Variants in DNMT1 observed in about 807,000 individuals in gnomAD.
The protein encoded by DNMT1 is DNA methyltransferase 1.
A neutral mutation model predicts 205.3 loss-of-function variants in DNMT1; 24 were observed. The ratio of observed to expected loss-of-function variants is 0.12; its 90% CI spans 0.08 to 0.16. DNMT1 has a LOEUF of 0.16. Ranked by LOEUF, DNMT1 falls within the 10% of genes least tolerant of loss-of-function variation. The pLI is 1.00. For missense variants in DNMT1, 1,293 were observed against 2,177.7 expected (o/e 0.59, Z 8.09); for synonymous variants, 817 against 839.8 (o/e 0.97, Z 0.47).
chr19:10,157,202 C>T (rs972288806), intron 17 of DNMT1, among the ~76,000 whole-genome samples: 3 of 152,120 alleles, frequency 2.0e-5, no homozygotes, highest in Non-Finnish European at 4.4e-5. Context: ...TCCTCCCAAC[C>T]GGCCCTCAGC....
rs1223065154 is a variant in DNMT1, at chr19:10,149,857, C to A, written c.2377G>T (p.Ala793Ser). The change falls in exon 25 of 41, where the codon GCA becomes TCA. Residue 793 changes from alanine (A) to serine (S), a missense_variant. Around this residue, in one of 13 missense-constraint regions of DNMT1, gnomAD observed 197 missense variants for 353.6 expected, o/e 0.56. Transcript: ENST00000359526. ...AGCAAAAAGAAAGATGCAAACCTTG[C>A]TAGATACAGCGGTTTTGAGGAATCA... ...PDDSSKPLYLARVTALWEDSS... is the reference protein window; with the variant it reads ...PDDSSKPLYLSRVTALWEDSS... The A allele has an allele frequency of 6.2e-6, 10 of 1,614,080 alleles. No homozygotes were observed. The highest frequency in any genetic ancestry group is 1.6e-4 in the Middle Eastern group (1 of 6,084).
At position 10,159,040 on chromosome 19, in the gene DNMT1, G is replaced by T. The variant is rs1474756366; in HGVS notation, c.1280+618C>A. On this transcript the variant is annotated intron_variant, in intron 17 of 40. Coordinates refer to ENST00000359526, the MANE Select transcript of DNMT1 (RefSeq NM_001130823.3). This position sits in a 1 kb window ranked among gnomAD's most constrained non-coding sequence, Gnocchi z 5.0. ...ATCACCCATTTCTGGCTCCGTGAAG[G>T]CAGGACCTGAGCAGCTACATCCACG... 1.3e-5 allele frequency among the ~76,000 whole-genome samples: 2 copies of T among 152,198 alleles called. No individual in the cohort carries two copies. Among genetic ancestry groups the T allele is most frequent in the Non-Finnish European group, 1.5e-5 (1 of 68,038 alleles).
In DNMT1 at chr19:10,154,096, G is replaced by T. The variant is rs2038404482; in HGVS notation, c.2019+197C>A. Among the ~76,000 whole-genome samples the T allele has an allele frequency of 6.6e-6, 1 of 152,192 alleles. No homozygotes were observed. The highest frequency in any genetic ancestry group is 2.4e-5 in the African/African-American group (1 of 41,448). On this transcript the variant is annotated intron_variant, in intron 22 of 40. Transcript: ENST00000359526. This position sits in a 1 kb window ranked among gnomAD's most constrained non-coding sequence, Gnocchi z 6.3. The stretch of plus-strand genomic sequence containing the variant: ...CATTATCAGCAAAGCACCCAAGCAT[G>T]CCTCTGTGGACATCTGTCCTATTGA...
chr19:10,146,913 A>G lies in DNMT1; in HGVS notation c.2721-389T>C, dbSNP rs953110691. On this transcript the variant is annotated intron_variant, in intron 27 of 40. Coordinates refer to ENST00000359526, the MANE Select transcript of DNMT1 (RefSeq NM_001130823.3). This position sits in a 1 kb window ranked among gnomAD's most constrained non-coding sequence, Gnocchi z 4.4. The stretch of plus-strand genomic sequence containing the variant: ...CTCAACAGGTATTTGAGGAAATTCA[A>G]CATTATTCTTGACTAGTAAGCCCTT... Among the ~76,000 whole-genome samples the G allele has an allele frequency of 6.6e-6, 1 of 152,192 alleles. No homozygotes were observed. Among genetic ancestry groups the G allele is most frequent in the African/African-American group, 2.4e-5 (1 of 41,450 alleles).
chr19:10,162,551 T>G, intron 13 of DNMT1, 116 bp downstream of exon 13: 2 of 1,096,600 alleles, frequency 1.8e-6, no homozygotes, highest in South Asian at 2.9e-5. Flanking sequence ...ATTACAGGCG[T>G]GCGCCACCAC....
At chr19:10,190,538 G>C (rs1005572865) in intron 1 of DNMT1, among the ~76,000 whole-genome samples, 1 of 152,028 alleles carries the variant, frequency 6.6e-6, no homozygotes, top group Non-Finnish European at 1.5e-5. Context: ...TGAGGCAGGC[G>C]AATCACTTGA....
chr19:10,177,387 C>T lies in DNMT1; in HGVS notation c.494-20G>A, dbSNP rs1317580741. 1 of 1,568,678 alleles carries T rather than the reference C, an allele frequency of 6.4e-7. No homozygotes were observed. The highest frequency in any genetic ancestry group is 8.7e-7 in the Non-Finnish European group (1 of 1,151,372). On this transcript the variant is annotated intron_variant, in intron 5 of 40. Transcript: ENST00000359526. ...GTTCAGCTGTTTAAAGAAGAAAAAG[C>T]ATTAAAAAGAAAAAAAAAAGCCACT...
chr19:10,183,703 C>G (rs1035801926), intron 1 of DNMT1, among the ~76,000 whole-genome samples: 6 of 151,850 alleles, frequency 4.0e-5, no homozygotes, highest in Admixed American at 3.9e-4. Flanking sequence ...ATGGCGAAAC[C>G]CCATCTCTAC....
intron 1 of DNMT1, 52 bp downstream of exon 1, chr19:10,194,768 C>T: frequency 1.9e-6 from 3 of 1,558,842 alleles, no homozygotes; most frequent in Non-Finnish European, 2.6e-6. Flanking sequence ...CGACCCCCCA[C>T]CCAGCGCCCT....
At chr19:10,147,887 G>A (rs977790607) in intron 27 of DNMT1, among the ~76,000 whole-genome samples, 1 of 151,890 alleles carries the variant, frequency 6.6e-6, no homozygotes, top group African/African-American at 2.4e-5. Context: ...GCCGAAGCGG[G>A]TAGATCACCT....
intron 7 of DNMT1, among the ~76,000 whole-genome samples, 153 bp from the exon 8 acceptor site, chr19:10,174,058 G>A (rs550266720): frequency 6.6e-6 from 1 of 152,244 alleles, no homozygotes; most frequent in East Asian, 1.9e-4. Context: ...GAAGATCTGA[G>A]AAACTCTTAC....
At chr19:10,147,906 G>A (rs1366507322) in intron 27 of DNMT1, among the ~76,000 whole-genome samples, 1 of 151,622 alleles carries the variant, frequency 6.6e-6, no homozygotes, top group African/African-American at 2.4e-5. Flanking sequence ...CTGAGGTCGG[G>A]AGTTCGAGAC....
At position 10,149,597 on chromosome 19, in the gene DNMT1, G is replaced by A. The variant is rs767649417; in HGVS notation, c.2442C>T (p.Cys814=). 9 of 1,613,974 alleles carry A rather than the reference G, an allele frequency of 5.6e-6. No individual in the cohort carries two copies. Among genetic ancestry groups the A allele is most frequent in the South Asian group, 3.3e-5 (3 of 91,074 alleles). Residue 814 remains cysteine, a synonymous_variant, in exon 26 of 41, where the codon TGC becomes TGT. Coordinates refer to ENST00000359526, the MANE Select transcript of DNMT1 (RefSeq NM_001130823.3). The part of the protein sequence containing the change: ...NGQMFHAHWF[C]AGTDTVLGAT... Reference sequence around the variant, plus strand: ...CCCCGAGGACTGTGTCTGTCCCAGCGCAGAACCAGTGGGCGTGAAACATCT... The same window carrying A: ...CCCCGAGGACTGTGTCTGTCCCAGCACAGAACCAGTGGGCGTGAAACATCT...
intron 9 of DNMT1, among the ~76,000 whole-genome samples, chr19:10,170,493 A>C (rs1369773235): frequency 6.6e-6 from 1 of 152,076 alleles, no homozygotes; most frequent in Non-Finnish European, 1.5e-5. Flanking sequence ...ACAAAAAGTT[A>C]ATTAGCTGGG....
rs139728982 is a variant in DNMT1, at chr19:10,138,594, G to A, written c.3960C>T (p.Tyr1320=). Residue 1320 remains tyrosine, a synonymous_variant, in exon 35 of 41, where the codon TAC becomes TAT. Coordinates refer to ENST00000359526, the MANE Select transcript of DNMT1 (RefSeq NM_001130823.3). The surrounding 1 kb of genome is among the most constrained non-coding windows in gnomAD (Gnocchi z 4.1). Reference sequence around the variant, plus strand: ...CCCGCCTCCTAGTCTGGGCCACGCCGTACTGACCGGCCTGTGGGGGAGAAG... The same window carrying A: ...CCCGCCTCCTAGTCTGGGCCACGCCATACTGACCGGCCTGTGGGGGAGAAG... The part of the protein sequence containing the change: ...CTFGVLQAGQ[Y]GVAQTRRRAI... 81 of 1,604,390 alleles carry A rather than the reference G, an allele frequency of 5.0e-5. 1 individual carries two copies. In the Middle Eastern group the frequency reaches 1.2e-3, roughly 24 times the overall value.
chr19:10,170,355 G>A (rs1156514941), intron 9 of DNMT1, among the ~76,000 whole-genome samples: 1 of 151,904 alleles, frequency 6.6e-6, no homozygotes, highest in Admixed American at 6.6e-5. Flanking sequence ...TTATTGTACA[G>A]CGGCCGGATG....
chr19:10,158,520 C>T (rs1011065086), intron 17 of DNMT1, among the ~76,000 whole-genome samples: 13 of 152,302 alleles, frequency 8.5e-5, no homozygotes, highest in Middle Eastern at 3.4e-3. Flanking sequence ...GAGGCAGGGC[C>T]GTTCCTGGAG....
chr19:10,141,963 G>A lies in DNMT1; in HGVS notation c.3309+65C>T, dbSNP rs184240258. 7.5e-5 allele frequency: 119 copies of A among 1,585,394 alleles called. 2 individuals are homozygous for A. The East Asian group carries it at 2.5e-3, about 34-fold the overall frequency. ...AGCCAAGCCGCCTTGTGTATAACCC[G>A]ACATCAGACTCCTTCTGGCCAACTT... On this transcript the variant is annotated intron_variant, in intron 30 of 40. Transcript: ENST00000359526.
chr19:10,139,991 C>T (rs1599346188), intron 33 of DNMT1, 55 bp downstream of exon 33: 3 of 1,601,622 alleles, frequency 1.9e-6, no homozygotes, highest in East Asian at 4.5e-5. Context: ...CCACTGCTGA[C>T]ATGCGGCACA....
Sources: allele counts gnomAD v4.1 joint callset (sites outside exome capture counted in the v4.1 genomes callset), GRCh38; gene constraint gnomAD v4.1.1; regional missense constraint gnomAD v4.1.1; non-coding constraint Gnocchi (gnomAD v3.1); transcripts MANE v1.5; gene names NCBI Gene and HGNC (gene_info 2026-07-23, HGNC 2026-07-21).